Variants in LCP2 observed in about 807,000 individuals in gnomAD.
The protein encoded by LCP2 is lymphocyte cytosolic protein 2.
In LCP2, 29 loss-of-function variants were observed where a neutral mutation model predicts 74.5. The ratio of observed to expected loss-of-function variants is 0.39; its 90% CI spans 0.29 to 0.53. The LOEUF is 0.53. LCP2 is among the 20% of genes least tolerant of loss of function. The pLI is 0.72. For missense variants in LCP2, 604 were observed against 634.6 expected (o/e 0.95, Z 0.52); for synonymous variants, 228 against 229.5 (o/e 0.99, Z 0.06).
At chr5:170,280,732 G>T (rs940040496) in intron 3 of LCP2, among the ~76,000 whole-genome samples, 5 of 152,186 alleles carry the variant, frequency 3.3e-5, no homozygotes, top group South Asian at 4.1e-4. Flanking sequence ...GGCTGGCCAG[G>T]TGTGGTGGCT....
chr5:170,266,205 G>A (rs1010256440), intron 10 of LCP2, among the ~76,000 whole-genome samples: 11 of 152,176 alleles, frequency 7.2e-5, no homozygotes, highest in Non-Finnish European at 1.5e-4. Flanking sequence ...AATATTCTGC[G>A]TAAATTGTGA....
intron 3 of LCP2, 42 bp from the exon 4 acceptor site, chr5:170,275,902 C>CA: frequency 6.7e-7 from 1 of 1,493,872 alleles, no homozygotes; most frequent in East Asian, 2.4e-5. Context: ...AACCATCACT[C>CA]AGTCTCAACC....
intron 2 of LCP2, among the ~76,000 whole-genome samples, chr5:170,292,433 G>C (rs1762308937): frequency 6.6e-6 from 1 of 152,122 alleles, no homozygotes; most frequent in Non-Finnish European, 1.5e-5. Flanking sequence ...AAATGGATTG[G>C]TGTTCTCTGG....
At chr5:170,254,818 A>C (rs1261635074) in intron 17 of LCP2, among the ~76,000 whole-genome samples, 1 of 152,144 alleles carries the variant, frequency 6.6e-6, no homozygotes, top group Non-Finnish European at 1.5e-5. Flanking sequence ...ACCACCCTTA[A>C]TATCTAGACT....
Position 170,253,206 on chromosome 5 carries a change from G to C in LCP2, c.1158C>G (p.Ser386Arg), listed in dbSNP as rs745371603. The C allele has an allele frequency of 2.1e-5, 34 of 1,601,058 alleles. No homozygotes were observed. Among genetic ancestry groups the C allele is most frequent in the Non-Finnish European group, 2.8e-5 (33 of 1,172,192 alleles). Residue 386 changes from serine to arginine, a missense_variant, in exon 18 of 21, where the codon AGC (serine) becomes AGG (arginine). Transcript: ENST00000046794. Reference sequence around the variant, plus strand: ...CTTCGGCTCTGATAGGTGGTCTGTTGCTAGGGCCTTCAAAAGTATAGAATT... The same window carrying C: ...CTTCGGCTCTGATAGGTGGTCTGTTCCTAGGGCCTTCAAAAGTATAGAATT... The part of the protein sequence containing the change: ...SLPPYFSQGP[S>R]NRPPIRAEGR...
intron 2 of LCP2, among the ~76,000 whole-genome samples, chr5:170,290,946 AGAAAG>A (rs2113214374): frequency 1.0e-5 from 1 of 95,648 alleles, no homozygotes; most frequent in Non-Finnish European, 2.0e-5. Context: ...GAAGAAAGAA[AGAAAG>A]AAAAGAAAGA....
chr5:170,254,286 C>T (rs745650713), intron 17 of LCP2, among the ~76,000 whole-genome samples: 2 of 152,184 alleles, frequency 1.3e-5, no homozygotes, highest in African/African-American at 2.4e-5. Flanking sequence ...GGGCGACTTG[C>T]GAGCACCTGG....
intron 1 of LCP2, among the ~76,000 whole-genome samples, chr5:170,297,236 C>T (rs1762406098): frequency 2.6e-5 from 4 of 152,144 alleles, no homozygotes; most frequent in Admixed American, 2.6e-4. Context: ...CAATGCTGAC[C>T]TCACAACATA....
At chr5:170,283,187 A>C (rs995347167) in intron 3 of LCP2, among the ~76,000 whole-genome samples, 3 of 152,114 alleles carry the variant, frequency 2.0e-5, no homozygotes, top group African/African-American at 7.2e-5. Flanking sequence ...GCACATTCAA[A>C]CACATTGGAG....
rs1761645888 is a variant in LCP2 at position 170,261,283 on chromosome 5, C to T, written c.927-146G>A. 5.6e-5 allele frequency: 36 copies of T among 646,124 alleles called. No individual in the cohort carries two copies. The South Asian group carries it at 6.2e-4, about 11-fold the overall frequency. 40.0% of individuals were successfully genotyped at this position (646,124 alleles called of 1,614,324 possible). The stretch of plus-strand genomic sequence containing the variant: ...TGGGAAGCAACAGACCCCCACAGAG[C>T]AGGGGAGAGGGGGTGGAAGGGAGAT... On this transcript the variant is annotated intron_variant, in intron 13 of 20. Transcript: ENST00000046794.
chr5:170,254,519 T>C (rs1389533447), intron 17 of LCP2, among the ~76,000 whole-genome samples: 1 of 152,236 alleles, frequency 6.6e-6, no homozygotes, highest in African/African-American at 2.4e-5. Flanking sequence ...TCCCTGTTTC[T>C]AAACAAGCTG....
intron 2 of LCP2, 58 bp downstream of exon 2, chr5:170,293,252 C>A: frequency 1.3e-6 from 2 of 1,535,554 alleles, no homozygotes; most frequent in Non-Finnish European, 1.8e-6. Context: ...GCCCTGCAGC[C>A]ATGGGGAAAA....
chr5:170,288,116 G>A (rs1762216942), intron 2 of LCP2, 100 bp from the exon 3 acceptor site: 2 of 1,260,174 alleles, frequency 1.6e-6, no homozygotes, highest in South Asian at 1.2e-5. Context: ...GGAGTGGTGG[G>A]GACTGTGGCA....
chr5:170,266,814 T>A lies in LCP2; in HGVS notation c.766A>T (p.Thr256Ser). Residue 256 changes from threonine to serine, a missense_variant, in exon 10 of 21, where the codon ACA (threonine) becomes TCA (serine). By Grantham distance (58) the Thr-to-Ser change is moderately conservative (BLOSUM62 1). Transcript: ENST00000046794. The stretch of plus-strand genomic sequence containing the variant: ...AAATGTGAATCATACCCACCTAGTG[T>A]GAAGGGTTCTCTATCAAACGGAGCT... ...SLAPFDREPFTLGKKPPFSDK... is the reference protein window; with the variant it reads ...SLAPFDREPFSLGKKPPFSDK... 1.2e-6 allele frequency: 2 copies of A among 1,613,024 alleles called. No homozygotes were observed. Among genetic ancestry groups the A allele is most frequent in the Non-Finnish European group, 1.7e-6 (2 of 1,179,026 alleles).
intron 3 of LCP2, among the ~76,000 whole-genome samples, chr5:170,284,248 T>A (rs1461437329): frequency 6.6e-6 from 1 of 152,232 alleles, no homozygotes; most frequent in Non-Finnish European, 1.5e-5. Flanking sequence ...TATGTACACA[T>A]CCCTTTCCAC....
intron 2 of LCP2, among the ~76,000 whole-genome samples, chr5:170,290,659 G>A (rs764471670): frequency 3.9e-5 from 6 of 152,162 alleles, no homozygotes; most frequent in African/African-American, 7.2e-5. Context: ...TTTTTCCATC[G>A]GTTAGATGAA....
intron 6 of LCP2, chr5:170,273,904 T>G (rs1761938360): frequency 1.3e-5 from 2 of 154,880 alleles, no homozygotes; most frequent in African/African-American, 3.2e-5. Flanking sequence ...TTTCTAGGAG[T>G]GTCCATTTTT....
chr5:170,291,203 A>C (rs1383893718), intron 2 of LCP2, among the ~76,000 whole-genome samples: 1 of 145,844 alleles, frequency 6.9e-6, no homozygotes, highest in East Asian at 2.0e-4. Context: ...AGAAGGCAGG[A>C]AGGAAGGAAG....
chr5:170,292,283 T>C (rs117892676), intron 2 of LCP2, among the ~76,000 whole-genome samples: 5 of 152,158 alleles, frequency 3.3e-5, no homozygotes, highest in Non-Finnish European at 7.3e-5. Flanking sequence ...GAAGCAAAAC[T>C]CAGACCAATA....
Sources: allele counts gnomAD v4.1 joint callset (sites outside exome capture counted in the v4.1 genomes callset), GRCh38; gene constraint gnomAD v4.1.1; transcripts MANE v1.5; gene names NCBI Gene and HGNC (gene_info 2026-07-23, HGNC 2026-07-21).